EIF4G3: variants seen among roughly 807,000 people sequenced by gnomAD.
EIF4G3 encodes the protein eIF-4-gamma 3.
EIF4G3 carries 34 observed loss-of-function variants against 186.4 expected under a neutral mutation model. The ratio of observed to expected loss-of-function variants is 0.18; its 90% CI spans 0.14 to 0.24. EIF4G3 has a LOEUF of 0.24. EIF4G3 is among the 10% of genes least tolerant of loss of function. The pLI, the probability that EIF4G3 is intolerant of heterozygous loss-of-function variation, is 1.00. For synonymous variants in EIF4G3, 673 were observed against 679.5 expected, an observed-to-expected ratio of 0.99 and a Z score of 0.15; for missense variants, 1,536 against 1,948.5, an observed-to-expected ratio of 0.79 and a Z score of 3.99.
chr1:21,075,241 C>T (rs2095549911), intron 3 of EIF4G3, among the ~76,000 whole-genome samples: 1 of 152,010 alleles, frequency 6.6e-6, no homozygotes, highest in Non-Finnish European at 1.5e-5. Context: ...AAACATTACA[C>T]ACCTATATGT....
At chr1:21,031,756 G>A (rs2092768636) in intron 4 of EIF4G3, among the ~76,000 whole-genome samples, 1 of 152,178 alleles carries the variant, frequency 6.6e-6, no homozygotes, top group African/African-American at 2.4e-5. Flanking sequence ...AGCAGAAGCA[G>A]AATTTCTTGA....
chr1:21,158,169 CTTTT>C lies in EIF4G3; in HGVS notation c.-272+18002_-272+18005del, dbSNP rs71014163. Among the ~76,000 whole-genome samples, 20 of 99,528 alleles carry C rather than the reference CTTTT, an allele frequency of 2.0e-4. No individual in the cohort carries two copies. In the East Asian group the frequency reaches 4.8e-3, roughly 24 times the overall value. 65.3% of individuals were successfully genotyped at this position (99,528 alleles called of 152,430 possible). ...AACTCTCTCTTTAACAAATACATAG[CTTTT>C]TTTTTTTTTTTTTTTTTTTTGAGGC... On this transcript the variant is annotated intron_variant, in intron 2 of 36. Coordinates refer to ENST00000602326, the MANE Select transcript of EIF4G3 (RefSeq NM_001391906.1).
intron 3 of EIF4G3, among the ~76,000 whole-genome samples, chr1:21,053,614 G>T (rs1211709027): frequency 7.2e-6 from 1 of 139,840 alleles, no homozygotes; most frequent in Non-Finnish European, 1.6e-5. Flanking sequence ...CCCCCCGCCC[G>T]GCCACCCGCC....
At chr1:21,134,329 A>G (rs1296613063) in intron 2 of EIF4G3, among the ~76,000 whole-genome samples, 1 of 152,188 alleles carries the variant, frequency 6.6e-6, no homozygotes, top group African/African-American at 2.4e-5. Flanking sequence ...GCTGAAATAA[A>G]AAGACACCTA....
chr1:20,887,450 A>G (rs981366532), intron 18 of EIF4G3, among the ~76,000 whole-genome samples: 8 of 152,284 alleles, frequency 5.3e-5, no homozygotes, highest in East Asian at 3.9e-4. Context: ...GCCTAAGCTG[A>G]TAAGCTCAAA....
chr1:21,157,885 C>T (rs2097691791), intron 2 of EIF4G3, among the ~76,000 whole-genome samples: 1 of 152,162 alleles, frequency 6.6e-6, no homozygotes, highest in Non-Finnish European at 1.5e-5. Context: ...GTTGAGCCTG[C>T]AGCTGAATAG....
chr1:20,888,124 A>G (rs2084812306), intron 18 of EIF4G3, among the ~76,000 whole-genome samples: 1 of 152,158 alleles, frequency 6.6e-6, no homozygotes, highest in African/African-American at 2.4e-5. Flanking sequence ...TACTGCAAAC[A>G]CCAATGAATA....
chr1:21,156,227 CAGT>C (rs1333725548), intron 2 of EIF4G3, among the ~76,000 whole-genome samples: 1 of 152,040 alleles, frequency 6.6e-6, no homozygotes, highest in Non-Finnish European at 1.5e-5. Context: ...AAACAAAACT[CAGT>C]GGGAATCTAT....
At chr1:20,978,693 A>C (rs534799521) in intron 10 of EIF4G3, among the ~76,000 whole-genome samples, 1 of 151,864 alleles carries the variant, frequency 6.6e-6, no homozygotes, top group East Asian at 1.9e-4. Flanking sequence ...AAAAAAAAAA[A>C]AAACCCATGG....
intron 4 of EIF4G3, among the ~76,000 whole-genome samples, chr1:21,012,874 A>G (rs1162607265): frequency 1.3e-5 from 2 of 152,174 alleles, no homozygotes; most frequent in East Asian, 1.9e-4. Flanking sequence ...TAAATTCCAC[A>G]AGACAGGTGA....
intron 1 of EIF4G3, among the ~76,000 whole-genome samples, 159 bp from the exon 2 acceptor site, chr1:21,176,517 G>A (rs1477885334): frequency 2.2e-5 from 3 of 135,904 alleles, no homozygotes; most frequent in South Asian, 4.8e-4. Context: ...GGGCTGGGGG[G>A]AGCCTGGGGG....
At chr1:20,829,638 A>G (rs866291739) in intron 30 of EIF4G3, among the ~76,000 whole-genome samples, 5 of 152,226 alleles carry the variant, frequency 3.3e-5, no homozygotes, top group South Asian at 2.1e-4. Flanking sequence ...TTAATCCTGC[A>G]CTATAAAGAA....
intron 22 of EIF4G3, among the ~76,000 whole-genome samples, chr1:20,863,675 C>T (rs1248949697): frequency 1.3e-5 from 2 of 151,344 alleles, no homozygotes; most frequent in African/African-American, 4.9e-5. Flanking sequence ...AACTCCTGAC[C>T]TCAGGTGATC....
intron 2 of EIF4G3, among the ~76,000 whole-genome samples, chr1:21,148,894 T>A (rs371807482): frequency 6.6e-6 from 1 of 151,828 alleles, no homozygotes; most frequent in East Asian, 1.9e-4. Context: ...ATATATCTAA[T>A]ACTATAAAGC....
intron 4 of EIF4G3, among the ~76,000 whole-genome samples, chr1:21,014,635 CTTTTT>C (rs35432782): frequency 7.8e-6 from 1 of 128,182 alleles, no homozygotes; most frequent in Non-Finnish European, 1.6e-5. Flanking sequence ...AGACAAACAC[CTTTTT>C]TTTTTTTTTT....
At chr1:21,050,421 C>G (rs6426662) in intron 4 of EIF4G3, among the ~76,000 whole-genome samples, 143,827 of 152,272 alleles carry the variant, frequency 0.94, 68,445 homozygotes, top group Middle Eastern at 1. Flanking sequence ...AATCGACTTA[C>G]AAAACAACCA....
chr1:20,813,917 T>C (rs529094276), intron 34 of EIF4G3, among the ~76,000 whole-genome samples: 1 of 148,256 alleles, frequency 6.7e-6, no homozygotes, highest in African/African-American at 2.5e-5. Flanking sequence ...ACATCAGGAC[T>C]GATCTGGCAC....
chr1:21,111,269 G>GAAA (rs2096720963), intron 2 of EIF4G3: 1 of 470,600 alleles, frequency 2.1e-6, no homozygotes, highest in Non-Finnish European at 4.4e-6. Flanking sequence ...CATAGACTTT[G>GAAA]AAGCTGGAAA....
Position 20,807,254 on chromosome 1 carries a change from G to C in EIF4G3, c.*65C>G. On this transcript the variant is annotated 3_prime_UTR_variant, in exon 37 of 37. Coordinates refer to ENST00000602326, the MANE Select transcript of EIF4G3 (RefSeq NM_001391906.1). ...GCCTTGCTGCACTGTGATTGGCGAA[G>C]ACGTGAAACTTTTTAAAAAAATACT... 6.8e-7 allele frequency: 1 copy of C among 1,478,094 alleles called. No homozygotes were observed. 91.6% of individuals were successfully genotyped at this position (1,478,094 alleles called of 1,614,324 possible). A position where few individuals can be genotyped will look rare whatever the true frequency, so the allele number is the denominator to read the frequency against.
Sources: allele counts gnomAD v4.1 joint callset (sites outside exome capture counted in the v4.1 genomes callset), GRCh38; gene constraint gnomAD v4.1.1; transcripts MANE v1.5; gene names NCBI Gene and HGNC (gene_info 2026-07-23, HGNC 2026-07-21).